SPEN: variants seen among roughly 807,000 people sequenced by gnomAD.
SPEN encodes the protein spen family transcriptional repressor.
Under a neutral mutation model 269.9 loss-of-function variants are expected in SPEN, and 18 were observed. The observed-to-expected ratio is 0.07, with a 90% CI of 0.05 to 0.10. The LOEUF (loss-of-function observed/expected upper bound fraction) is 0.10. SPEN is among the 10% of genes least tolerant of loss of function. SPEN has a pLI of 1.00. For synonymous variants in SPEN, 1,726 were observed against 1,765.7 expected, an observed-to-expected ratio of 0.98 and a Z score of 0.56; for missense variants, 3,822 against 4,631.2, an observed-to-expected ratio of 0.83 and a Z score of 5.07.
chr1:15,869,059 A>T (rs2070546298), intron 1 of SPEN, among the ~76,000 whole-genome samples: 1 of 152,014 alleles, frequency 6.6e-6, no homozygotes, highest in African/African-American at 2.4e-5. Flanking sequence ...TTAATTATTT[A>T]TTAATTTATT....
In SPEN at chr1:15,928,738, C is replaced by T. The variant is rs773493132; in HGVS notation, c.2498C>T (p.Ser833Phe). The change falls in exon 11 of 15, where the codon TCT becomes TTT. Residue 833 changes from serine (S) to phenylalanine (F), a missense_variant. Transcript: ENST00000375759. This position sits in a 1 kb window ranked among gnomAD's most constrained non-coding sequence, Gnocchi z 5.7. ...KRKGKVHSPS[S>F]QSSETDQENE... ...AAAGGAAAGGTTCACTCCCCTAGTT[C>T]TCAGTCTTCAGAAACGGACCAAGAA... The T allele has an allele frequency of 1.9e-6, 3 of 1,613,966 alleles. No homozygotes were observed. The highest frequency in any genetic ancestry group is 2.5e-6 in the Non-Finnish European group (3 of 1,180,060).
At chr1:15,874,552 A>G (rs572231697) in intron 2 of SPEN, among the ~76,000 whole-genome samples, 1 of 152,332 alleles carries the variant, frequency 6.6e-6, no homozygotes, top group South Asian at 2.1e-4. Context: ...TGCCTTCTGT[A>G]TCTTCTTAAT....
intron 1 of SPEN, among the ~76,000 whole-genome samples, chr1:15,852,799 C>T (rs2070348788): frequency 6.6e-6 from 1 of 152,118 alleles, no homozygotes; most frequent in South Asian, 2.1e-4. Flanking sequence ...TGAAATTTTA[C>T]TGAAATTTTT....
chr1:15,888,309 T>C lies in SPEN; in HGVS notation c.881+11631T>C, dbSNP rs530977399. On this transcript the variant is annotated intron_variant, in intron 3 of 14. Coordinates refer to ENST00000375759, the MANE Select transcript of SPEN (RefSeq NM_015001.3). ...TGACTTGGAAGCAAACTATGTAAACTCTTTTTTTTTTTTAATTTTATTATT... is the reference window on the plus strand; with the variant it reads ...TGACTTGGAAGCAAACTATGTAAACCCTTTTTTTTTTTTAATTTTATTATT... Among the ~76,000 whole-genome samples, 6 of 150,526 alleles carry C rather than the reference T, an allele frequency of 4.0e-5. No individual in the cohort carries two copies. The South Asian group carries it at 1.3e-3, about 32-fold the overall frequency.
chr1:15,871,264 G>A (rs1261188329), intron 1 of SPEN, among the ~76,000 whole-genome samples: 3 of 150,150 alleles, frequency 2.0e-5, no homozygotes, highest in Non-Finnish European at 4.4e-5. Flanking sequence ...CACCACGCCT[G>A]GCCTCAACAG....
chr1:15,881,464 TG>T (rs1372146006), intron 3 of SPEN, among the ~76,000 whole-genome samples: 1 of 152,178 alleles, frequency 6.6e-6, no homozygotes, highest in Non-Finnish European at 1.5e-5. Flanking sequence ...TATCCTGATG[TG>T]TAAAAAGCAG....
rs143604290 is a variant in SPEN at position 15,924,439 on chromosome 1, G to A, written c.1850+2090G>A. Reference sequence around the variant, plus strand: ...TAATGTAATGTGGGTGTTACTTTTTGTATATTACTACTTAAAATCTATTTT... The same window carrying A: ...TAATGTAATGTGGGTGTTACTTTTTATATATTACTACTTAAAATCTATTTT... On this transcript the variant is annotated intron_variant, in intron 10 of 14. Coordinates refer to ENST00000375759, the MANE Select transcript of SPEN (RefSeq NM_015001.3). Among the ~76,000 whole-genome samples, 384 of 152,082 alleles carry A rather than the reference G, an allele frequency of 2.5e-3. 6 individuals carry two copies. The highest frequency in any genetic ancestry group is 1.1e-3 in the Non-Finnish European group (76 of 67,970).
At chr1:15,925,329 T>C (rs143974827) in intron 10 of SPEN, among the ~76,000 whole-genome samples, 1 of 152,294 alleles carries the variant, frequency 6.6e-6, no homozygotes, top group East Asian at 1.9e-4. Context: ...TTGGATACTC[T>C]GTGGTTTTGT....
In SPEN at chr1:15,928,992, C is replaced by G. The variant is rs527854339; in HGVS notation, c.2752C>G (p.Gln918Glu). 114 of 1,614,222 alleles carry G rather than the reference C, an allele frequency of 7.1e-5. No homozygotes were observed. In the South Asian group the frequency reaches 1.1e-3, roughly 16 times the overall value. ...ATCTTCTGCCCTGGACCAGAAACTT[C>G]AGGTCTCTCAGACGGAGCCTGCAAA... ...VKSSALDQKLQVSQTEPAKSD... is the reference protein window; with the variant it reads ...VKSSALDQKLEVSQTEPAKSD... The change falls in exon 11 of 15, where the codon CAG becomes GAG. Residue 918 changes from glutamine (Q) to glutamate (E), a missense_variant. Coordinates refer to ENST00000375759, the MANE Select transcript of SPEN (RefSeq NM_015001.3). This position sits in a 1 kb window ranked among gnomAD's most constrained non-coding sequence, Gnocchi z 5.7.
chr1:15,864,470 G>GT (rs371257174), intron 1 of SPEN, among the ~76,000 whole-genome samples: 28,636 of 132,294 alleles, frequency 0.22, 4,142 homozygotes, highest in African/African-American at 0.41. Context: ...GTGCCGGCCG[G>GT]TTTTTTTTTT....
Position 15,933,642 on chromosome 1 carries a change from C to T in SPEN, c.7402C>T (p.Pro2468Ser), listed in dbSNP as rs773797606. The change falls in exon 11 of 15, where the codon CCC becomes TCC. Residue 2468 changes from proline (P) to serine (S), a missense_variant. Transcript: ENST00000375759. The surrounding 1 kb of genome is among the most constrained non-coding windows in gnomAD (Gnocchi z 5.7). The part of the protein sequence containing the change: ...PVTPPSDPSI[P>S]IPTLPSVTAA... ...GACCCCACCCAGCGATCCAAGCATCCCCATACCCACACTGCCTTCTGTAAC... is the reference window on the plus strand; with the variant it reads ...GACCCCACCCAGCGATCCAAGCATCTCCATACCCACACTGCCTTCTGTAAC... 3.7e-6 allele frequency: 6 copies of T among 1,613,988 alleles called. No individual in the cohort carries two copies. The highest frequency in any genetic ancestry group is 5.1e-6 in the Non-Finnish European group (6 of 1,180,030).
chr1:15,936,658 C>T (rs1367319274), intron 11 of SPEN, among the ~76,000 whole-genome samples: 1 of 110,088 alleles, frequency 9.1e-6, no homozygotes, highest in Non-Finnish European at 2.0e-5. Flanking sequence ...AAAAAAAAGC[C>T]GGGCATAGTG....
In SPEN at chr1:15,848,142, T is replaced by C. The variant is rs2070292396; in HGVS notation, c.75T>C (p.His25=). 1 of 1,488,082 alleles carries C rather than the reference T, an allele frequency of 6.7e-7. No individual in the cohort carries two copies. The highest frequency in any genetic ancestry group is 9.0e-7 in the Non-Finnish European group (1 of 1,109,964). 92.2% of individuals were successfully genotyped at this position (1,488,082 alleles called of 1,614,324 possible). ...TGCGGGAAGAGAAGATCATCGAGCA[T>C]TTCAAACGGTGAGTGACACGAGGCC... ...ENVREEKIIE[H]FKRYGRVESV... is the part of the protein sequence containing the mutation. Residue 25 remains histidine (H), a synonymous_variant, in exon 1 of 15, where the codon CAT becomes CAC. Transcript: ENST00000375759. This position sits in a 1 kb window ranked among gnomAD's most constrained non-coding sequence, Gnocchi z 5.1.
At chr1:15,851,670 AG>A (rs2070337323) in intron 1 of SPEN, among the ~76,000 whole-genome samples, 1 of 152,160 alleles carries the variant, frequency 6.6e-6, no homozygotes, top group African/African-American at 2.4e-5. Context: ...AGGTAAACTG[AG>A]GTAGCCCCTC....
intron 3 of SPEN, among the ~76,000 whole-genome samples, chr1:15,885,745 G>A (rs1266020269): frequency 6.6e-6 from 1 of 152,130 alleles, no homozygotes; most frequent in Non-Finnish European, 1.5e-5. Flanking sequence ...TTTTGGTACT[G>A]TTTAGCAGCA....
At chr1:15,853,277 C>T (rs964090737) in intron 1 of SPEN, among the ~76,000 whole-genome samples, 11 of 151,948 alleles carry the variant, frequency 7.2e-5, no homozygotes, top group Non-Finnish European at 1.6e-4. Flanking sequence ...GCAACCTCCT[C>T]CTGGGTTCAA....
At chr1:15,854,184 T>C (rs936307009) in intron 1 of SPEN, among the ~76,000 whole-genome samples, 1 of 152,200 alleles carries the variant, frequency 6.6e-6, no homozygotes, top group African/African-American at 2.4e-5. Flanking sequence ...AATAATGTAG[T>C]CTGAAAATAC....
chr1:15,932,041 T>G lies in SPEN; in HGVS notation c.5801T>G (p.Leu1934Trp). ...CAACCAAGAGTGACCAGAAAGAGAT[T>G]GGAGCGAGAGCTTCAGGAGGCTGCA... ...VEQPRVTRKRLERELQEAAAV... is the reference protein window; with the variant it reads ...VEQPRVTRKRWERELQEAAAV... The change falls in exon 11 of 15, where the codon TTG becomes TGG. Residue 1934 changes from leucine (L) to tryptophan (W), a missense_variant. By Grantham distance (61) the Leu-to-Trp change is moderately conservative (BLOSUM62 -2). This residue lies in a region of SPEN where 533 missense variants were observed against 618.8 expected (regional missense o/e 0.86). Transcript: ENST00000375759. The surrounding 1 kb of genome is among the most constrained non-coding windows in gnomAD (Gnocchi z 4.2). 6.2e-7 allele frequency: 1 copy of G among 1,614,162 alleles called. No individual in the cohort carries two copies. Among genetic ancestry groups the G allele is most frequent in the Non-Finnish European group, 8.5e-7 (1 of 1,180,024 alleles).
chr1:15,871,309 G>T (rs2148709978), intron 1 of SPEN, among the ~76,000 whole-genome samples: 1 of 151,720 alleles, frequency 6.6e-6, no homozygotes, highest in African/African-American at 2.4e-5. Context: ...TAACCTAATC[G>T]GGATTAGAAC....
Sources: gnomAD v4.1 joint callset for allele counts (sites outside exome capture counted in the v4.1 genomes callset) on GRCh38, gnomAD v4.1.1 for gene constraint, gnomAD v4.1.1 regional missense constraint, Gnocchi (gnomAD v3.1) non-coding constraint, MANE v1.5 for transcripts, NCBI Gene and HGNC (gene_info 2026-07-23, HGNC 2026-07-21) for gene names.